The following PDE4DIP variants were observed in gnomAD, a reference collection of about 807,000 sequenced individuals.
PDE4DIP encodes phosphodiesterase 4D interacting protein.
A neutral mutation model predicts 221.4 loss-of-function variants in PDE4DIP; 59 were observed. The ratio of observed to expected loss-of-function variants is 0.27; its 90% CI spans 0.22 to 0.33. The LOEUF is 0.33. Ranked by LOEUF, PDE4DIP falls within the 10% of genes least tolerant of loss-of-function variation. PDE4DIP has a pLI of 1.00. For missense variants in PDE4DIP, 1,036 were observed against 2,154.2 expected (o/e 0.48, Z 10.28); for synonymous variants, 404 against 815.9 (o/e 0.50, Z 8.60).
chr1:149,005,500 G>A (rs1360147910), intron 27 of PDE4DIP, 63 bp downstream of exon 30: 7 of 1,169,298 alleles, frequency 6.0e-6, no homozygotes, highest in Non-Finnish European at 8.5e-6. Context: ...GCTTGGCGTA[G>A]GGTAGCTCAG....
chr1:148,815,099 AAAAT>A (rs3978511), intron 1 of PDE4DIP, among the ~76,000 whole-genome samples: 7 of 94,828 alleles, frequency 7.4e-5, no homozygotes, highest in South Asian at 3.9e-4. Context: ...ACCACCATTA[AAAAT>A]AAATAAATAA....
At chr1:148,940,794 T>A (rs1359596001) in intron 5 of PDE4DIP, among the ~76,000 whole-genome samples, 1 of 149,658 alleles carries the variant, frequency 6.7e-6, no homozygotes, top group African/African-American at 2.5e-5. Flanking sequence ...GGAAAAAAAA[T>A]TGGGCCCAAG....
At chr1:148,862,351 A>G (rs1484671989) in intron 1 of PDE4DIP, among the ~76,000 whole-genome samples, 2 of 147,334 alleles carry the variant, frequency 1.4e-5, no homozygotes, top group Non-Finnish European at 3.0e-5. Context: ...CTTGAGAAGT[A>G]TTTGTTGAAT....
intron 2 of PDE4DIP, chr1:148,930,599 T>A (rs1553469164): frequency 6.9e-6 from 1 of 144,376 alleles, no homozygotes; most frequent in African/African-American, 2.6e-5. Flanking sequence ...CCATTTACAA[T>A]ATCTGCTAAA....
At chr1:148,981,774 C>G in intron 21 of PDE4DIP, 1 of 226,012 alleles carries the variant, frequency 4.4e-6, no homozygotes, top group East Asian at 8.9e-5. Context: ...TATTCTTCCC[C>G]AACTTTCACA....
Position 148,986,462 on chromosome 1 carries a change from C to G in PDE4DIP, c.2815+5065C>G, listed in dbSNP as rs1559159806. 3 of 152,036 alleles carry G rather than the reference C, an allele frequency of 2.0e-5. No individual in the cohort carries two copies. The East Asian group carries it at 5.8e-4, about 29-fold the overall frequency. 9.4% of individuals were successfully genotyped at this position (152,036 alleles called of 1,614,324 possible). The stretch of plus-strand genomic sequence containing the variant: ...GTTGTTACTGATCCAATAAAATTAT[C>G]AAAGGCCAACAGAAACTATTTGGTT... On this transcript the variant is annotated intron_variant, in intron 21 of 43. Coordinates refer to ENST00000369354, the Ensembl canonical transcript of PDE4DIP.
At chr1:149,009,650 A>C in exon 30 of PDE4DIP, 1 of 1,614,160 alleles carries the variant, frequency 6.2e-7, no homozygotes, top group South Asian at 1.1e-5. Context: ...CACACCCTCC[A>C]GCAGCCATGC....
intron 4 of PDE4DIP, 81 bp downstream of exon 7, chr1:148,932,369 AG>A: frequency 1.1e-6 from 1 of 916,126 alleles, no homozygotes. Flanking sequence ...TTCCCTTTCA[AG>A]GACTGACAGT....
chr1:148,999,702 T>A (rs2065162562), intron 23 of PDE4DIP, among the ~76,000 whole-genome samples: 1 of 151,772 alleles, frequency 6.6e-6, no homozygotes, highest in African/African-American at 2.4e-5. Flanking sequence ...GTAAGAACAG[T>A]ACATCTCTTT....
In PDE4DIP at chr1:149,023,281, G is replaced by A. The variant is rs1422796987; in HGVS notation, c.6086-1164G>A. 3.9e-5 allele frequency among the ~76,000 whole-genome samples: 6 copies of A among 152,252 alleles called. No homozygotes were observed. The Middle Eastern group carries it at 0.01, about 259-fold the overall frequency. On this transcript the variant is annotated intron_variant, in intron 37 of 43. Transcript: ENST00000369354. ...TCATAAGTCTTTATTTATCTACTTA[G>A]AATATTCACATAGCTCATTGCGGAA...
chr1:149,023,515 G>T (rs1482078963), intron 37 of PDE4DIP, among the ~76,000 whole-genome samples: 5 of 146,878 alleles, frequency 3.4e-5, no homozygotes, highest in South Asian at 2.2e-4. Context: ...TAGCCATGTG[G>T]TGAATGGAGG....
intron 41 of PDE4DIP, among the ~76,000 whole-genome samples, chr1:149,029,378 T>G (rs2076061795): frequency 6.6e-6 from 1 of 152,220 alleles, no homozygotes; most frequent in African/African-American, 2.4e-5. Flanking sequence ...GGCACAAATA[T>G]TTACAAACTT....
rs144590426 is a variant in PDE4DIP at position 148,969,012 on chromosome 1, C to G, written c.1962C>G (p.Thr654=). 1,801 of 1,607,364 alleles carry G rather than the reference C, an allele frequency of 1.1e-3. 35 individuals carry two copies. In the Admixed American group the frequency reaches 0.028, roughly 25 times the overall value. ...AAGGCCTGCTTCAGTCTGTGAGCAC[C>G]AGGGAGCAGGAAAGCCAAGTAAGGA... Residue 654 remains threonine, a synonymous_variant, in exon 14 of 44, where the codon ACC becomes ACG. Coordinates refer to ENST00000369354, the Ensembl canonical transcript of PDE4DIP.
intron 5 of PDE4DIP, among the ~76,000 whole-genome samples, chr1:148,941,451 G>A (rs1349735310): frequency 3.7e-5 from 5 of 136,458 alleles, no homozygotes; most frequent in Non-Finnish European, 7.8e-5. Context: ...AGGGCTTCAT[G>A]TTGTAGGCAC....
chr1:148,990,399 C>T (rs1553555987), intron 21 of PDE4DIP: 4 of 975,220 alleles, frequency 4.1e-6, no homozygotes, highest in African/African-American at 1.8e-5. Flanking sequence ...AAGGTAAGCC[C>T]CTTATCTGTA....
At chr1:148,979,273 CT>C (rs2060711749) in intron 19 of PDE4DIP, among the ~76,000 whole-genome samples, 1 of 152,178 alleles carries the variant, frequency 6.6e-6, no homozygotes, top group Non-Finnish European at 1.5e-5. Flanking sequence ...CTTTATAGCA[CT>C]TATTACACTC....
intron 13 of PDE4DIP, among the ~76,000 whole-genome samples, chr1:148,968,184 G>T (rs2058532702): frequency 6.6e-6 from 1 of 151,542 alleles, no homozygotes; most frequent in Admixed American, 6.6e-5. Flanking sequence ...TCTTCATGCT[G>T]GGTCAGGTAC....
intron 21 of PDE4DIP, chr1:148,982,673 G>A (rs2061314268): frequency 1.3e-5 from 2 of 152,186 alleles, no homozygotes; most frequent in South Asian, 4.1e-4. Flanking sequence ...TCCTAGGTTA[G>A]AAGCTGAGGT....
At chr1:148,981,118 CAA>C in intron 20 of PDE4DIP, 150 bp from the exon 24 acceptor site, 1 of 709,192 alleles carries the variant, frequency 1.4e-6, no homozygotes, top group Non-Finnish European at 2.4e-6. Flanking sequence ...AAATGCCACA[CAA>C]AGACTACATT....
Sources: gnomAD v4.1 joint callset for allele counts (sites outside exome capture counted in the v4.1 genomes callset) on GRCh38, gnomAD v4.1.1 for gene constraint, MANE v1.5 for transcripts, NCBI Gene and HGNC (gene_info 2026-07-23, HGNC 2026-07-21) for gene names.